Variants in CFHR1 observed in about 807,000 individuals in gnomAD.
CFHR1 encodes complement factor H-related protein 1.
A neutral mutation model predicts 30.4 loss-of-function variants in CFHR1; 22 were observed. That is an observed-to-expected ratio of 0.72 (90% CI 0.52 to 1.03). The LOEUF is 1.03. CFHR1 is among the 50% of genes least tolerant of loss of function. CFHR1 has a pLI of 0.00. For missense variants in CFHR1, 248 were observed against 380.6 expected (o/e 0.65, Z 2.90); for synonymous variants, 95 against 129.1 (o/e 0.74, Z 1.79).
chr1:196,831,155 A>T (rs1020212160), intron 5 of CFHR1, among the ~76,000 whole-genome samples: 1 of 135,466 alleles, frequency 7.4e-6, no homozygotes, highest in Admixed American at 7.1e-5. Flanking sequence ...CAAAAAAGTA[A>T]TTTTTCTCTT....
Position 196,831,963 on chromosome 1 carries a change from T to C in CFHR1, c.957T>C (p.Asp319=), listed in dbSNP as rs1655581635. The change falls in exon 6 of 6, where the codon GAT becomes GAC. Residue 319 remains aspartate, a synonymous_variant. Coordinates refer to ENST00000320493, the MANE Select transcript of CFHR1 (RefSeq NM_002113.3). ...ACACATTGCGAACAACATGTTGGGA[T>C]GGGAAACTGGAGTATCCAACTTGTG... ...RSHTLRTTCW[D]GKLEYPTCAK... The C allele has an allele frequency of 4.6e-6, 7 of 1,524,856 alleles. 2 individuals are homozygous for C. Among genetic ancestry groups the C allele is most frequent in the Non-Finnish European group, 6.2e-6 (7 of 1,128,628 alleles). The allele number at this position is 1,524,856 out of a possible 1,614,324, so 94.5% of individuals were successfully genotyped here.
intron 2 of CFHR1, chr1:196,825,932 T>G: frequency 3.2e-6 from 1 of 308,602 alleles, no homozygotes; most frequent in Non-Finnish European, 5.8e-6. Flanking sequence ...TATATTTGAC[T>G]GCTAATATTT....
In CFHR1 at chr1:196,831,719, A is replaced by G; in HGVS notation, c.791-78A>G. On this transcript the variant is annotated intron_variant, in intron 5 of 5. Coordinates refer to ENST00000320493, the MANE Select transcript of CFHR1 (RefSeq NM_002113.3). ...AATAATTCCTGAACCATCATATAAC[A>G]TTCTACTTGAAAACCTGAAAGTCTA... The G allele has an allele frequency of 2.2e-6, 3 of 1,394,268 alleles. 1 individual carries two copies. The highest frequency in any genetic ancestry group is 2.7e-5 in the South Asian group (2 of 73,730). 86.4% of individuals were successfully genotyped at this position (1,394,268 alleles called of 1,614,324 possible). A position where few individuals can be genotyped will look rare whatever the true frequency, so the allele number is the denominator to read the frequency against.
chr1:196,824,458 A>C (rs763661879), intron 1 of CFHR1, among the ~76,000 whole-genome samples: 1 of 129,250 alleles, frequency 7.7e-6, no homozygotes, highest in South Asian at 2.7e-4. Flanking sequence ...GGGTTTCACC[A>C]TGTTGGCCAG....
chr1:196,830,475 C>T, intron 4 of CFHR1, 25 bp from the exon 5 acceptor site: 1 of 1,521,994 alleles, frequency 6.6e-7, no homozygotes, highest in Non-Finnish European at 8.9e-7. Flanking sequence ...CACAATAAAT[C>T]AAGTGATGAA....
In CFHR1 at chr1:196,831,957, T is replaced by C; in HGVS notation, c.951T>C (p.Cys317=). Residue 317 remains cysteine, a synonymous_variant, in exon 6 of 6, where the codon TGT becomes TGC. Coordinates refer to ENST00000320493, the MANE Select transcript of CFHR1 (RefSeq NM_002113.3). The stretch of plus-strand genomic sequence containing the variant: ...GTTCTCACACATTGCGAACAACATG[T>C]TGGGATGGGAAACTGGAGTATCCAA... The part of the protein sequence containing the change: ...SSRSHTLRTT[C]WDGKLEYPTC... The C allele has an allele frequency of 1.3e-6, 2 of 1,524,744 alleles. No individual in the cohort carries two copies. Among genetic ancestry groups the C allele is most frequent in the Non-Finnish European group, 8.9e-7 (1 of 1,128,624 alleles). 94.5% of individuals were successfully genotyped at this position (1,524,744 alleles called of 1,614,324 possible). A position where few individuals can be genotyped will look rare whatever the true frequency, so the allele number is the denominator to read the frequency against.
At chr1:196,824,882 T>A (rs1655266775) in intron 1 of CFHR1, among the ~76,000 whole-genome samples, 1 of 125,086 alleles carries the variant, frequency 8.0e-6, no homozygotes, top group Non-Finnish European at 1.6e-5. Flanking sequence ...TCTAACTTTA[T>A]CTTGATTGAG....
At chr1:196,822,387 C>A (rs2124884596) in intron 1 of CFHR1, among the ~76,000 whole-genome samples, 1 of 133,470 alleles carries the variant, frequency 7.5e-6, no homozygotes, top group Non-Finnish European at 1.6e-5. Flanking sequence ...CTTTTTACTT[C>A]ATCAACTTTA....
rs778697156 is a variant in CFHR1, at chr1:196,823,101, ATGTGTGTGTGTGTG to A, written c.59-2356_59-2343del. Among the ~76,000 whole-genome samples the A allele has an allele frequency of 2.3e-4, 11 of 47,034 alleles. 1 individual carries two copies. The highest frequency in any genetic ancestry group is 3.9e-4 in the Non-Finnish European group (10 of 25,568). The allele number at this position is 47,034 out of a possible 152,430, so 30.9% of individuals were successfully genotyped here. A position where few individuals can be genotyped will look rare whatever the true frequency, so the allele number is the denominator to read the frequency against. On this transcript the variant is annotated intron_variant, in intron 1 of 5. Transcript: ENST00000320493. ...TACGACTGTATATATATATATATAT[ATGTGTGTGTGTGTG>A]TGTGTGTGTGTGTGTGTGTATCCCA...
chr1:196,831,129 C>T lies in CFHR1; in HGVS notation c.790+447C>T, dbSNP rs1432000424. ...CCTGGGCGACAGAGCGAGACTCCGT[C>T]TCAATAAAAACAACACAAAAAAGTA... On this transcript the variant is annotated intron_variant, in intron 5 of 5. Coordinates refer to ENST00000320493, the MANE Select transcript of CFHR1 (RefSeq NM_002113.3). 1.5e-5 allele frequency among the ~76,000 whole-genome samples: 2 copies of T among 135,736 alleles called. 1 individual carries two copies. The highest frequency in any genetic ancestry group is 3.1e-5 in the Non-Finnish European group (2 of 64,426). The allele number at this position is 135,736 out of a possible 152,430, so 89.0% of individuals were successfully genotyped here.
intron 3 of CFHR1, 63 bp from the exon 4 acceptor site, chr1:196,828,007 T>A: frequency 1.4e-6 from 2 of 1,387,552 alleles, no homozygotes; most frequent in Non-Finnish European, 2.0e-6. Flanking sequence ...TTTGTAACTG[T>A]ATTAGTTGAT....
intron 1 of CFHR1, among the ~76,000 whole-genome samples, chr1:196,823,297 G>A (rs1175654177): frequency 7.4e-6 from 1 of 135,286 alleles, no homozygotes; most frequent in Non-Finnish European, 1.6e-5. Context: ...CTTGATGAAT[G>A]TCATAGAATT....
At chr1:196,824,282 G>A (rs1330962009) in intron 1 of CFHR1, among the ~76,000 whole-genome samples, 1 of 132,848 alleles carries the variant, frequency 7.5e-6, no homozygotes, top group Non-Finnish European at 1.6e-5. Flanking sequence ...TTGAGGTGGA[G>A]TCTTGCTCTG....
intron 2 of CFHR1, 121 bp downstream of exon 2, chr1:196,825,792 G>A (rs1475288162): frequency 2.0e-6 from 2 of 994,594 alleles, no homozygotes; most frequent in South Asian, 3.3e-5. Flanking sequence ...GGAAAGATGG[G>A]AGATGTAGTC....
Position 196,825,414 on chromosome 1 carries a change from T to A in CFHR1, c.59-63T>A, listed in dbSNP as rs1460005674. ...CACTATAAGTGAGATGATTAAAATA[T>A]AATCTAGTGATTTATTTATGTAACT... On this transcript the variant is annotated intron_variant, in intron 1 of 5. Coordinates refer to ENST00000320493, the MANE Select transcript of CFHR1 (RefSeq NM_002113.3). 1.8e-5 allele frequency: 21 copies of A among 1,158,490 alleles called. 5 individuals carry two copies. Among genetic ancestry groups the A allele is most frequent in the Middle Eastern group, 2.6e-4 (1 of 3,882 alleles). The allele number at this position is 1,158,490 out of a possible 1,614,324, so 71.8% of individuals were successfully genotyped here.
In CFHR1 at chr1:196,822,529, C is replaced by T. The variant is rs1458621704; in HGVS notation, c.58+2627C>T. The stretch of plus-strand genomic sequence containing the variant: ...TTTACTTATTTATTTACTTTTTAAA[C>T]CTTTTTGTTAAAAACAGACACAAAC... On this transcript the variant is annotated intron_variant, in intron 1 of 5. Coordinates refer to ENST00000320493, the MANE Select transcript of CFHR1 (RefSeq NM_002113.3). 1.5e-5 allele frequency among the ~76,000 whole-genome samples: 2 copies of T among 132,744 alleles called. 1 individual carries two copies. Among genetic ancestry groups the T allele is most frequent in the Non-Finnish European group, 3.1e-5 (2 of 63,788 alleles). The allele number at this position is 132,744 out of a possible 152,430, so 87.1% of individuals were successfully genotyped here.
Position 196,827,290 on chromosome 1 carries a change from TC to T in CFHR1, c.430+286del, listed in dbSNP as rs1655366394. Among the ~76,000 whole-genome samples the T allele has an allele frequency of 1.5e-5, 2 of 134,734 alleles. 1 individual carries two copies. The highest frequency in any genetic ancestry group is 6.4e-5 in the African/African-American group (2 of 31,416). 88.4% of individuals were successfully genotyped at this position (134,734 alleles called of 152,430 possible). Reference sequence around the variant, plus strand: ...ATAAGCTCATTCTAGACACACGGAATCAAAAATGTCGAAATAGAACCCTGAA... The same window carrying T: ...ATAAGCTCATTCTAGACACACGGAATAAAAATGTCGAAATAGAACCCTGAA... On this transcript the variant is annotated intron_variant, in intron 3 of 5. Coordinates refer to ENST00000320493, the MANE Select transcript of CFHR1 (RefSeq NM_002113.3).
At position 196,825,451 on chromosome 1, in the gene CFHR1, T is replaced by C; in HGVS notation, c.59-26T>C. On this transcript the variant is annotated intron_variant, in intron 1 of 5. Transcript: ENST00000320493. ...TTATTTATGTAACTTATTATGTAAT[T>C]CTTCAGTTTTATGTTATTTTCCCAG... 2 of 1,333,108 alleles carry C rather than the reference T, an allele frequency of 1.5e-6. 1 individual carries two copies. Among genetic ancestry groups the C allele is most frequent in the Non-Finnish European group, 2.1e-6 (2 of 964,246 alleles). The allele number at this position is 1,333,108 out of a possible 1,614,324, so 82.6% of individuals were successfully genotyped here.
At chr1:196,823,088 T>C in intron 1 of CFHR1, among the ~76,000 whole-genome samples, 1 of 119,780 alleles carries the variant, frequency 8.3e-6, no homozygotes, top group East Asian at 2.1e-4. Context: ...CGACTGTATA[T>C]ATATATATAT....
Sources: gnomAD v4.1 joint callset for allele counts (sites outside exome capture counted in the v4.1 genomes callset) on GRCh38, gnomAD v4.1.1 for gene constraint, MANE v1.5 for transcripts, NCBI Gene and HGNC (gene_info 2026-07-23, HGNC 2026-07-21) for gene names.